Variants in GRM7 observed in about 807,000 individuals in gnomAD.
The protein encoded by GRM7 is glutamate metabotropic receptor 7, also known as metabotropic glutamate receptor 7.
In GRM7, 35 loss-of-function variants were observed where a neutral mutation model predicts 84.5. The ratio of observed to expected loss-of-function variants is 0.41; its 90% CI spans 0.32 to 0.55. The LOEUF (loss-of-function observed/expected upper bound fraction) is 0.55. GRM7 is among the 20% of genes least tolerant of loss of function. The pLI is 0.19. For synonymous variants in GRM7, 487 were observed against 455.1 expected, an observed-to-expected ratio of 1.07 and a Z score of -0.89; for missense variants, 1,003 against 1,194.6, an observed-to-expected ratio of 0.84 and a Z score of 2.36.
At chr3:7,493,566 G>T (rs1699599086) in intron 7 of GRM7, among the ~76,000 whole-genome samples, 1 of 151,886 alleles carries the variant, frequency 6.6e-6, no homozygotes, top group Non-Finnish European at 1.5e-5. Flanking sequence ...CTAGTAAGTT[G>T]AATTTGAAGT....
At chr3:6,973,632 T>C (rs1003236610) in intron 1 of GRM7, among the ~76,000 whole-genome samples, 1 of 152,010 alleles carries the variant, frequency 6.6e-6, no homozygotes. Context: ...TTTGGTGAGA[T>C]AGGAAGAAAG....
intron 9 of GRM7, among the ~76,000 whole-genome samples, chr3:7,696,112 A>G (rs1233730629): frequency 6.6e-6 from 1 of 152,158 alleles, no homozygotes; most frequent in Non-Finnish European, 1.5e-5. Context: ...AACGTCCTTT[A>G]CAGAAGAGTT....
chr3:7,229,722 CACACATATATATATATATATAT>C (rs1418687280), intron 2 of GRM7, among the ~76,000 whole-genome samples: 1,368 of 25,790 alleles, frequency 0.053, 162 homozygotes, highest in Non-Finnish European at 0.084. Context: ...TCCATAGACA[CACACATATATATATATATATAT>C]ATATATATAT....
intron 2 of GRM7, among the ~76,000 whole-genome samples, chr3:7,291,745 C>T (rs1265055504): frequency 6.6e-6 from 1 of 152,072 alleles, no homozygotes; most frequent in Non-Finnish European, 1.5e-5. Flanking sequence ...GATACCTCAC[C>T]ACCCTAAAAC....
chr3:7,004,116 A>G (rs1400982735), intron 1 of GRM7, among the ~76,000 whole-genome samples: 1 of 152,174 alleles, frequency 6.6e-6, no homozygotes, highest in Non-Finnish European at 1.5e-5. Context: ...ATGGTCTTTA[A>G]TTATCTAACC....
At chr3:7,475,603 T>C (rs1391902) in intron 7 of GRM7, among the ~76,000 whole-genome samples, 54,550 of 152,092 alleles carry the variant, frequency 0.36, 10,289 homozygotes, top group African/African-American at 0.48. Context: ...GTCACTGTTA[T>C]TGTTACACAA....
intron 1 of GRM7, among the ~76,000 whole-genome samples, chr3:6,973,717 A>G (rs748197403): frequency 6.6e-6 from 1 of 152,220 alleles, no homozygotes; most frequent in African/African-American, 2.4e-5. Flanking sequence ...GGCCCTGAGT[A>G]TGAATGTGCC....
intron 7 of GRM7, among the ~76,000 whole-genome samples, chr3:7,573,995 C>A (rs933964231): frequency 2.6e-5 from 4 of 152,174 alleles, no homozygotes; most frequent in Admixed American, 6.5e-5. Flanking sequence ...ATTTCACGCT[C>A]AAAATTCCAG....
rs993683445 is a variant in GRM7, at chr3:7,042,105, A to G, written c.520-104347A>G. Reference sequence around the variant, plus strand: ...ATCTGTATCCTTTGTAATATCTTTTATAATAAACTAGCAAATGAACCCGTT... The same window carrying G: ...ATCTGTATCCTTTGTAATATCTTTTGTAATAAACTAGCAAATGAACCCGTT... On this transcript the variant is annotated intron_variant, in intron 1 of 9. Transcript: ENST00000357716. Among the ~76,000 whole-genome samples the G allele has an allele frequency of 1.1e-4, 17 of 152,278 alleles. 1 individual carries two copies. Among genetic ancestry groups the G allele is most frequent in the Admixed American group, 5.2e-4 (8 of 15,294 alleles).
chr3:7,411,986 C>G (rs1212882431), intron 4 of GRM7, among the ~76,000 whole-genome samples: 1 of 151,734 alleles, frequency 6.6e-6, no homozygotes, highest in Non-Finnish European at 1.5e-5. Context: ...CCCTCCCCTT[C>G]CCAACATCAC....
intron 4 of GRM7, among the ~76,000 whole-genome samples, chr3:7,374,628 G>C (rs561796409): frequency 6.7e-6 from 1 of 149,468 alleles, no homozygotes; most frequent in Non-Finnish European, 1.5e-5. Context: ...ACAGGTGCCC[G>C]CCACCATACC....
intron 1 of GRM7, among the ~76,000 whole-genome samples, chr3:7,128,048 T>C (rs921036297): frequency 1.3e-5 from 2 of 151,682 alleles, no homozygotes; most frequent in Non-Finnish European, 2.9e-5. Flanking sequence ...AGTAAAAGAC[T>C]AGAAGAGTTC....
intron 7 of GRM7, among the ~76,000 whole-genome samples, chr3:7,498,393 A>G (rs1252948329): frequency 6.6e-6 from 1 of 152,228 alleles, no homozygotes; most frequent in African/African-American, 2.4e-5. Flanking sequence ...CATGTGGCTG[A>G]CACTCAACTT....
chr3:7,715,831 G>A (rs578177273), intron 9 of GRM7, among the ~76,000 whole-genome samples: 1 of 152,216 alleles, frequency 6.6e-6, no homozygotes. Context: ...GCCTTCTTTA[G>A]TTTTTGAATC....
At chr3:7,075,532 G>GTGTGTGTGTTTGTGTT in intron 1 of GRM7, among the ~76,000 whole-genome samples, 1 of 147,834 alleles carries the variant, frequency 6.8e-6, no homozygotes, top group Non-Finnish European at 1.5e-5. Flanking sequence ...GTGTGTGTGT[G>GTGTGTGTGTTTGTGTT]TGTGTGTGTG....
At chr3:7,716,461 A>G (rs940474795) in intron 9 of GRM7, among the ~76,000 whole-genome samples, 3 of 152,216 alleles carry the variant, frequency 2.0e-5, no homozygotes, top group African/African-American at 7.2e-5. Context: ...AGTGATACCA[A>G]TATTTAGTAC....
chr3:7,732,644 T>TA (rs1376812114), intron 9 of GRM7, among the ~76,000 whole-genome samples: 2 of 152,178 alleles, frequency 1.3e-5, no homozygotes, highest in Non-Finnish European at 2.9e-5. Flanking sequence ...GCTTTAGCAT[T>TA]AAAGGCTTTT....
intron 2 of GRM7, among the ~76,000 whole-genome samples, chr3:7,223,395 G>C (rs1696875716): frequency 6.6e-6 from 1 of 151,656 alleles, no homozygotes; most frequent in East Asian, 1.9e-4. Flanking sequence ...GCTACTTTTA[G>C]TTCTGCAATG....
chr3:7,452,744 C>G lies in GRM7; in HGVS notation c.1312C>G (p.Pro438Ala), dbSNP rs770141077. 11 of 1,612,758 alleles carry G rather than the reference C, an allele frequency of 6.8e-6. No individual in the cohort carries two copies. In the Admixed American group the frequency reaches 8.4e-5, roughly 12 times the overall value. The change falls in exon 6 of 10, where the codon CCA becomes GCA. Residue 438 changes from proline to alanine, a missense_variant. Pro to Ala is a conservative substitution (Grantham distance 27). Around this residue, in one of 2 missense-constraint regions of GRM7, gnomAD observed 910 missense variants for 1,126.0 expected, o/e 0.81. Transcript: ENST00000357716. ...CTGTGCTGACTACCGGGGTGTCTGC[C>G]CAGAGATGGAGCAAGCTGGAGGCAA... ...DLCADYRGVC[P>A]EMEQAGGKKL...
Sources: gnomAD v4.1 joint callset for allele counts (sites outside exome capture counted in the v4.1 genomes callset) on GRCh38, gnomAD v4.1.1 for gene constraint, gnomAD v4.1.1 regional missense constraint, MANE v1.5 for transcripts, NCBI Gene and HGNC (gene_info 2026-07-23, HGNC 2026-07-21) for gene names.